CNTNAP2: variants seen among roughly 807,000 people sequenced by gnomAD.
The protein encoded by CNTNAP2 is contactin-associated protein-like 2.
CNTNAP2 carries 98 observed loss-of-function variants against 155.2 expected under a neutral mutation model. The observed-to-expected ratio is 0.63, with a 90% CI of 0.54 to 0.75. The LOEUF (loss-of-function observed/expected upper bound fraction) is 0.75, where lower values mean the gene tolerates loss of function less well. Ranked by LOEUF, CNTNAP2 falls within the 30% of genes least tolerant of loss-of-function variation. The pLI, the probability that CNTNAP2 is intolerant of heterozygous loss-of-function variation, is 0.00. For missense variants in CNTNAP2, 1,727 were observed against 1,688.1 expected (o/e 1.02, Z -0.40); for synonymous variants, 651 against 631.2 (o/e 1.03, Z -0.47).
chr7:148,093,256 G>A (rs1472892035), intron 15 of CNTNAP2, among the ~76,000 whole-genome samples: 1 of 151,912 alleles, frequency 6.6e-6, no homozygotes, highest in East Asian at 1.9e-4. Context: ...AGAGCCTTGT[G>A]ATCATATATG....
chr7:147,393,814 CT>C (rs1399268917), intron 9 of CNTNAP2, among the ~76,000 whole-genome samples: 1 of 151,774 alleles, frequency 6.6e-6, no homozygotes, highest in African/African-American at 2.4e-5. Context: ...CAAATACAAT[CT>C]TATTTTTATA....
At chr7:146,937,606 AG>A (rs559761496) in intron 3 of CNTNAP2, among the ~76,000 whole-genome samples, 175 of 152,288 alleles carry the variant, frequency 1.1e-3, no homozygotes, top group African/African-American at 4.0e-3. Flanking sequence ...GGCTGGGACA[AG>A]GCTGCAAAGG....
chr7:148,385,600 T>C (rs983219047), intron 22 of CNTNAP2, among the ~76,000 whole-genome samples: 2 of 152,198 alleles, frequency 1.3e-5, no homozygotes, highest in Non-Finnish European at 2.9e-5. Flanking sequence ...ATCTAGATCC[T>C]ACCTTGGGCC....
chr7:146,683,540 T>C (rs1800542349), intron 1 of CNTNAP2, among the ~76,000 whole-genome samples: 1 of 152,226 alleles, frequency 6.6e-6, no homozygotes, highest in Non-Finnish European at 1.5e-5. Flanking sequence ...CTGTGTGTCA[T>C]ACCGGACATT....
At chr7:146,954,187 C>T (rs73463209) in intron 3 of CNTNAP2, among the ~76,000 whole-genome samples, 4,523 of 151,982 alleles carry the variant, frequency 0.03, 215 homozygotes, top group African/African-American at 0.1. Context: ...TAATCTCTCA[C>T]GCAATGGTTT....
intron 11 of CNTNAP2, among the ~76,000 whole-genome samples, chr7:147,547,420 C>G (rs902437618): frequency 6.6e-6 from 1 of 152,028 alleles, no homozygotes; most frequent in Non-Finnish European, 1.5e-5. Context: ...AGCACAGAAG[C>G]AGCAACAGGT....
chr7:147,114,548 C>T (rs1289577902), intron 5 of CNTNAP2, among the ~76,000 whole-genome samples: 1 of 152,176 alleles, frequency 6.6e-6, no homozygotes, highest in Non-Finnish European at 1.5e-5. Flanking sequence ...TGAATTTAGC[C>T]TTTTACCATT....
intron 1 of CNTNAP2, among the ~76,000 whole-genome samples, chr7:146,650,062 G>T (rs545438195): frequency 1.4e-4 from 21 of 152,226 alleles, no homozygotes; most frequent in Non-Finnish European, 2.5e-4. Flanking sequence ...TACACTGCTG[G>T]TGGGAGTGTT....
intron 1 of CNTNAP2, among the ~76,000 whole-genome samples, chr7:146,738,880 A>G (rs918920506): frequency 6.7e-6 from 1 of 149,788 alleles, no homozygotes; most frequent in Non-Finnish European, 1.5e-5. Flanking sequence ...TAGATGGTGT[A>G]TATCAAGGAA....
rs59099463 is a variant in CNTNAP2 at position 147,500,094 on chromosome 7, T to A, written c.1777+14053T>A. ...GTAAAACCAGAGCAAGATTTTTTTT[T>A]AAAAAAACTGGTAGTAAGCAGAAGT... On this transcript the variant is annotated intron_variant, in intron 11 of 23. Transcript: ENST00000361727. 7.8e-3 allele frequency among the ~76,000 whole-genome samples: 1,176 copies of A among 151,438 alleles called. 13 individuals carry two copies. Among genetic ancestry groups the A allele is most frequent in the South Asian group, 0.017 (81 of 4,782 alleles).
chr7:147,729,426 A>G (rs77387240), intron 13 of CNTNAP2, among the ~76,000 whole-genome samples: 1 of 20,328 alleles, frequency 4.9e-5, no homozygotes, highest in African/African-American at 1.5e-4. Context: ...GCACACACAC[A>G]CGCACACACA....
chr7:146,535,576 T>C lies in CNTNAP2; in HGVS notation c.98-238695T>C, dbSNP rs550420634. 1.3e-4 allele frequency among the ~76,000 whole-genome samples: 20 copies of C among 150,380 alleles called. No homozygotes were observed. In the South Asian group the frequency reaches 3.7e-3, roughly 28 times the overall value. On this transcript the variant is annotated intron_variant, in intron 1 of 23. Coordinates refer to ENST00000361727, the MANE Select transcript of CNTNAP2 (RefSeq NM_014141.6). ...TTCGTATTTTTTAAATTAATTGTAA[T>C]TGACAATTGTATAAATTTATGGGTT...
intron 13 of CNTNAP2, among the ~76,000 whole-genome samples, chr7:147,681,300 G>C: frequency 6.6e-6 from 1 of 151,914 alleles, no homozygotes. Context: ...TGACAAAATG[G>C]TGCCGTCCTT....
chr7:147,183,176 C>T (rs1802500539), intron 8 of CNTNAP2, among the ~76,000 whole-genome samples: 1 of 151,540 alleles, frequency 6.6e-6, no homozygotes, highest in Admixed American at 6.6e-5. Context: ...AAACATTAAG[C>T]TACTTCTAAT....
At chr7:147,829,936 G>A (rs1224578066) in intron 13 of CNTNAP2, among the ~76,000 whole-genome samples, 1 of 151,980 alleles carries the variant, frequency 6.6e-6, no homozygotes, top group East Asian at 1.9e-4. Flanking sequence ...AGTCCCTGTA[G>A]AAATCTCACA....
intron 18 of CNTNAP2, among the ~76,000 whole-genome samples, chr7:148,182,628 C>T (rs1795057432): frequency 6.6e-6 from 1 of 152,238 alleles, no homozygotes; most frequent in Admixed American, 6.5e-5. Context: ...TGAACTCACT[C>T]ACATATTTTT....
chr7:147,956,065 G>A (rs1257448875), intron 14 of CNTNAP2, among the ~76,000 whole-genome samples: 2 of 152,126 alleles, frequency 1.3e-5, no homozygotes, highest in South Asian at 4.1e-4. Flanking sequence ...AGCCTACTTA[G>A]CTACTTGCTT....
In CNTNAP2 at chr7:147,283,136, T is replaced by G. The variant is rs554740602; in HGVS notation, c.1349-17005T>G. On this transcript the variant is annotated intron_variant, in intron 8 of 23. Transcript: ENST00000361727. The stretch of plus-strand genomic sequence containing the variant: ...TACAACTATATGCATATTTCATGAG[T>G]TTTTTGACACATCTATACCCCCATC... Among the ~76,000 whole-genome samples, 14 of 151,912 alleles carry G rather than the reference T, an allele frequency of 9.2e-5. No homozygotes were observed. In the South Asian group the frequency reaches 1.9e-3, roughly 20 times the overall value.
At chr7:148,380,693 G>A (rs1425804641) in intron 21 of CNTNAP2, among the ~76,000 whole-genome samples, 1 of 151,744 alleles carries the variant, frequency 6.6e-6, no homozygotes, top group East Asian at 1.9e-4. Flanking sequence ...ACTTCTCTAA[G>A]CCTCGTTTCC....
Sources: allele counts gnomAD v4.1 joint callset (sites outside exome capture counted in the v4.1 genomes callset), GRCh38; gene constraint gnomAD v4.1.1; transcripts MANE v1.5; gene names NCBI Gene and HGNC (gene_info 2026-07-23, HGNC 2026-07-21).